The following ZNF729 variants were observed in gnomAD, a reference collection of about 807,000 sequenced individuals.
ZNF729 encodes zinc finger protein 729.
A neutral mutation model predicts 12.2 loss-of-function variants in ZNF729; 15 were observed. That is an observed-to-expected ratio of 1.23 (90% CI 0.82 to 1.89). ZNF729 has a LOEUF of 1.89. ZNF729 is among the 40% of genes most tolerant of loss of function. ZNF729 has a pLI of 0.00. For synonymous variants in ZNF729, 492 were observed against 476.3 expected (o/e 1.03, Z -0.43); for missense variants, 1,540 against 1,456.7 (o/e 1.06, Z -0.93).
rs931829883 is a variant in ZNF729 at position 22,287,357 on chromosome 19, C to T, written c.30+802C>T. ...TCTCCTCTCGGTGCAACCTCCGCCT[C>T]CCGGGTTCAAGCGATTCTCCTACCT... On this transcript the variant is annotated intron_variant, in intron 1 of 3. Coordinates refer to ENST00000601693, the MANE Select transcript of ZNF729 (RefSeq NM_001242680.2). Among the ~76,000 whole-genome samples the T allele has an allele frequency of 3.1e-4, 47 of 151,802 alleles. 1 individual carries two copies. Among genetic ancestry groups the T allele is most frequent in the African/African-American group, 8.5e-4 (35 of 41,376 alleles).
chr19:22,315,670 T>C lies in ZNF729; in HGVS notation c.2253T>C (p.His751=), dbSNP rs1968523455. The change falls in exon 4 of 4, where the codon CAT becomes CAC. Residue 751 remains histidine, a synonymous_variant. Transcript: ENST00000601693. The stretch of plus-strand genomic sequence containing the variant: ...AAGAATGTGGCAAATCTTTTAAGCA[T>C]TTCTCAGCCCTTAGAAAACATAAGG... ...KCEECGKSFK[H]FSALRKHKVI... 13 of 1,607,684 alleles carry C rather than the reference T, an allele frequency of 8.1e-6. No homozygotes were observed. Among genetic ancestry groups the C allele is most frequent in the Non-Finnish European group, 1.1e-5 (13 of 1,178,956 alleles).
Position 22,316,322 on chromosome 19 carries a change from T to A in ZNF729, c.2905T>A (p.Cys969Ser). Residue 969 changes from cysteine to serine, a missense_variant, in exon 4 of 4, where the codon TGT becomes AGT. Coordinates refer to ENST00000601693, the MANE Select transcript of ZNF729 (RefSeq NM_001242680.2). The stretch of plus-strand genomic sequence containing the variant: ...GAAGAAACCATACAAATGTGCAGAA[T>A]GTGGCAAAGCTTTTAAGCAATCCTC... ...TGKKPYKCAECGKAFKQSSHL... is the reference protein window; with the variant it reads ...TGKKPYKCAESGKAFKQSSHL... 2 of 1,613,708 alleles carry A rather than the reference T, an allele frequency of 1.2e-6. No individual in the cohort carries two copies. Among genetic ancestry groups the A allele is most frequent in the Non-Finnish European group, 1.7e-6 (2 of 1,179,740 alleles).
At chr19:22,287,848 CTTTT>C (rs542002326) in intron 1 of ZNF729, among the ~76,000 whole-genome samples, 1 of 138,280 alleles carries the variant, frequency 7.2e-6, no homozygotes, top group South Asian at 2.3e-4. Flanking sequence ...ACTATTTGTC[CTTTT>C]TTTTTTTTTT....
At chr19:22,288,582 G>T (rs1170670808) in intron 1 of ZNF729, among the ~76,000 whole-genome samples, 2 of 152,108 alleles carry the variant, frequency 1.3e-5, no homozygotes, top group African/African-American at 4.8e-5. Context: ...GAAGCAGGCG[G>T]ATGCCCTGGA....
At chr19:22,293,494 A>ATTTTTTTTTTTTTTT (rs56180581) in intron 1 of ZNF729, among the ~76,000 whole-genome samples, 8 of 96,050 alleles carry the variant, frequency 8.3e-5, no homozygotes, top group African/African-American at 1.7e-4. Flanking sequence ...CCTTTTGTCT[A>ATTTTTTTTTTTTTTT]TTTTTTTTTT....
At position 22,315,752 on chromosome 19, in the gene ZNF729, A is replaced by G; in HGVS notation, c.2335A>G (p.Ser779Gly). ...TGAAGAATGTGTCAAAGCTTTTAAC[A>G]GTTTCTCAGCCCTTATGAAACATAA... Reference protein sequence around the residue: ...KCEECVKAFNSFSALMKHKVI... With the variant: ...KCEECVKAFNGFSALMKHKVI... The change falls in exon 4 of 4, where the codon AGT becomes GGT. Residue 779 changes from serine to glycine, a missense_variant. Coordinates refer to ENST00000601693, the MANE Select transcript of ZNF729 (RefSeq NM_001242680.2). 6.2e-7 allele frequency: 1 copy of G among 1,607,622 alleles called. No individual in the cohort carries two copies.
At chr19:22,290,713 G>A (rs1300201006) in intron 1 of ZNF729, among the ~76,000 whole-genome samples, 1 of 152,042 alleles carries the variant, frequency 6.6e-6, no homozygotes, top group Non-Finnish European at 1.5e-5. Context: ...AAGTATTCTA[G>A]GTTGACCACT....
Position 22,316,121 on chromosome 19 carries a change from C to G in ZNF729, c.2704C>G (p.His902Asp). 1 of 1,609,336 alleles carries G rather than the reference C, an allele frequency of 6.2e-7. No individual in the cohort carries two copies. The highest frequency in any genetic ancestry group is 8.5e-7 in the Non-Finnish European group (1 of 1,178,246). The change falls in exon 4 of 4, where the codon CAT (histidine) becomes GAT (aspartate). Residue 902 changes from histidine (H) to aspartate (D), a missense_variant. Coordinates refer to ENST00000601693, the MANE Select transcript of ZNF729 (RefSeq NM_001242680.2). ...AAAACTTACTGTACATAAGGTAATT[C>G]ATACTGCAGAGAAACCCTGTAAATG... ...LSKLTVHKVI[H>D]TAEKPCKCEE...
Position 22,314,035 on chromosome 19 carries a change from T to C in ZNF729, c.618T>C (p.Asn206=), listed in dbSNP as rs1352137665. 30 of 1,541,396 alleles carry C rather than the reference T, an allele frequency of 1.9e-5. No homozygotes were observed. Among genetic ancestry groups the C allele is most frequent in the Non-Finnish European group, 2.6e-5 (30 of 1,145,822 alleles). The change falls in exon 4 of 4, where the codon AAT becomes AAC. Residue 206 remains asparagine, a synonymous_variant. Transcript: ENST00000601693. Reference sequence around the variant, plus strand: ...ATAAGAGAATTCATATTAGACAGAATATCTACAAATGTGAAGAACGTGGCA... The same window carrying C: ...ATAAGAGAATTCATATTAGACAGAACATCTACAAATGTGAAGAACGTGGCA... ...IRHKRIHIRQ[N]IYKCEERGKA... is the part of the protein sequence containing the mutation.
At chr19:22,300,895 C>T (rs2145048047) in intron 1 of ZNF729, among the ~76,000 whole-genome samples, 1 of 152,270 alleles carries the variant, frequency 6.6e-6, no homozygotes, top group African/African-American at 2.4e-5. Flanking sequence ...CCATTCAGAA[C>T]CTAAAACTGC....
intron 3 of ZNF729, among the ~76,000 whole-genome samples, chr19:22,312,100 G>A (rs560853590): frequency 3.3e-5 from 5 of 152,122 alleles, no homozygotes; most frequent in Admixed American, 6.5e-5. Context: ...TGCCATTAGG[G>A]GAAGAGGTAT....
intron 2 of ZNF729, 107 bp downstream of exon 2, chr19:22,303,991 C>A: frequency 4.6e-6 from 5 of 1,078,806 alleles, no homozygotes; most frequent in East Asian, 3.9e-5. Flanking sequence ...ATGAGTTTCA[C>A]ATCCCTGTTT....
intron 1 of ZNF729, among the ~76,000 whole-genome samples, chr19:22,298,021 A>AAAAAAAAAC (rs1568572566): frequency 6.7e-6 from 1 of 149,700 alleles, no homozygotes; most frequent in African/African-American, 2.5e-5. Context: ...AAAAAAAAAA[A>AAAAAAAAAC]AAAAAACACA....
chr19:22,301,297 C>T (rs1968300924), intron 1 of ZNF729, among the ~76,000 whole-genome samples: 1 of 152,206 alleles, frequency 6.6e-6, no homozygotes, highest in Non-Finnish European at 1.5e-5. Context: ...TTGCGGGCAA[C>T]TTGAATATTT....
intron 3 of ZNF729, among the ~76,000 whole-genome samples, chr19:22,308,059 C>T (rs1968407210): frequency 6.6e-6 from 1 of 152,052 alleles, no homozygotes; most frequent in Admixed American, 6.6e-5. Flanking sequence ...CTGTATCATT[C>T]TTATGCCTTT....
Position 22,314,898 on chromosome 19 carries a change from G to A in ZNF729, c.1481G>A (p.Gly494Asp). 1 of 1,613,294 alleles carries A rather than the reference G, an allele frequency of 6.2e-7. No individual in the cohort carries two copies. Among genetic ancestry groups the A allele is most frequent in the African/African-American group, 1.3e-5 (1 of 74,992 alleles). ...AAACCCTACAAATGTGAAGAATGTG[G>A]CAAAGCTTTTAACCATTTCTCAGAC... Reference protein sequence around the residue: ...GEKPYKCEECGKAFNHFSDLR... With the variant: ...GEKPYKCEECDKAFNHFSDLR... The change falls in exon 4 of 4, where the codon GGC becomes GAC. Residue 494 changes from glycine (G) to aspartate (D), a missense_variant. Transcript: ENST00000601693.
rs776520460 is a variant in ZNF729, at chr19:22,315,194, A to C, written c.1777A>C (p.Ile593Leu). The C allele has an allele frequency of 6.2e-7, 1 of 1,611,950 alleles. No individual in the cohort carries two copies. Among genetic ancestry groups the C allele is most frequent in the Non-Finnish European group, 8.5e-7 (1 of 1,179,458 alleles). The change falls in exon 4 of 4, where the codon ATT becomes CTT. Residue 593 changes from isoleucine (I) to leucine (L), a missense_variant. Physicochemically the swap from Ile to Leu is conservative, Grantham distance 5. Coordinates refer to ENST00000601693, the MANE Select transcript of ZNF729 (RefSeq NM_001242680.2). ...CTCAGCCCTCAGAAAACATAAGGTA[A>C]TTCATACTAGGGAGAAATTGTACAA... ...HFSALRKHKVIHTREKLYKCE... is the reference protein window; with the variant it reads ...HFSALRKHKVLHTREKLYKCE...
chr19:22,302,982 C>A lies in ZNF729; in HGVS notation c.31-776C>A, dbSNP rs193077844. ...TAGAGATGGGGTTTCACCATGTTGG[C>A]CAGGCTGGTCTTGAGCTCCTGACCT... On this transcript the variant is annotated intron_variant, in intron 1 of 3. Transcript: ENST00000601693. Among the ~76,000 whole-genome samples, 1,474 of 152,250 alleles carry A rather than the reference C, an allele frequency of 9.7e-3. 19 individuals carry two copies. The highest frequency in any genetic ancestry group is 0.037 in the Middle Eastern group (11 of 294).
intron 3 of ZNF729, among the ~76,000 whole-genome samples, chr19:22,312,823 C>T (rs1274062551): frequency 1.3e-5 from 2 of 152,140 alleles, no homozygotes; most frequent in Admixed American, 6.6e-5. Context: ...AAGCAATTCT[C>T]CTGCCTCAAC....
Sources: allele counts gnomAD v4.1 joint callset (sites outside exome capture counted in the v4.1 genomes callset), GRCh38; gene constraint gnomAD v4.1.1; transcripts MANE v1.5; gene names NCBI Gene and HGNC (gene_info 2026-07-23, HGNC 2026-07-21).